Variants in SHISA4 observed in about 807,000 individuals in gnomAD.
SHISA4 encodes protein shisa-4.
Under a neutral mutation model 24.2 loss-of-function variants are expected in SHISA4, and 16 were observed. The observed-to-expected ratio is 0.66, with a 90% CI of 0.45 to 1.00. SHISA4 has a LOEUF of 1.00. SHISA4 is among the 50% of genes least tolerant of loss of function. The pLI, the probability that SHISA4 is intolerant of heterozygous loss-of-function variation, is 0.00. For missense variants in SHISA4, 238 were observed against 258.9 expected (o/e 0.92, Z 0.55); for synonymous variants, 106 against 105.4 (o/e 1.01, Z -0.04).
In SHISA4 at chr1:201,888,968, C is replaced by T; in HGVS notation, c.-27C>T. On this transcript the variant is annotated 5_prime_UTR_variant, in exon 1 of 5. Coordinates refer to ENST00000362011, the MANE Select transcript of SHISA4 (RefSeq NM_198149.3). ...CCTGCGGTCCCTTCTCTGGGAGGCC[C>T]GACCCCGGCCGCGCCCAGCCCCCAC... 11 of 1,374,080 alleles carry T rather than the reference C, an allele frequency of 8.0e-6. No homozygotes were observed. The highest frequency in any genetic ancestry group is 1.8e-5 in the South Asian group (1 of 56,236). 85.1% of individuals were successfully genotyped at this position (1,374,080 alleles called of 1,614,324 possible).
At chr1:201,889,699 C>T in intron 2 of SHISA4, 83 bp downstream of exon 2, 7 of 1,511,042 alleles carry the variant, frequency 4.6e-6, no homozygotes, top group Non-Finnish European at 6.4e-6. Flanking sequence ...GGACTCCTGC[C>T]TCCTCCGTTG....
intron 4 of SHISA4, 96 bp downstream of exon 4, chr1:201,891,664 C>CA (rs1681102733): frequency 2.9e-5 from 45 of 1,535,732 alleles, no homozygotes; most frequent in Non-Finnish European, 3.5e-5. Flanking sequence ...TTCCCTCTCC[C>CA]AGACTTCCTC....
In SHISA4 at chr1:201,888,939, T is replaced by G. The variant is rs1681037406; in HGVS notation, c.-56T>G. The G allele has an allele frequency of 8.2e-7, 1 of 1,226,346 alleles. No individual in the cohort carries two copies. The highest frequency in any genetic ancestry group is 1.1e-6 in the Non-Finnish European group (1 of 949,312). The allele number at this position is 1,226,346 out of a possible 1,614,324, so 76.0% of individuals were successfully genotyped here. On this transcript the variant is annotated 5_prime_UTR_variant, in exon 1 of 5. Transcript: ENST00000362011. ...CCGCCGCAGCTCCAGCTGGCCGGCT[T>G]GGTCCTGCGGTCCCTTCTCTGGGAG...
intron 3 of SHISA4, among the ~76,000 whole-genome samples, chr1:201,891,011 G>C (rs73090436): frequency 0.01 from 1,540 of 152,280 alleles, 26 homozygotes; most frequent in African/African-American, 0.035. Flanking sequence ...TGATGGACAT[G>C]GGGACAGTGA....
At chr1:201,890,623 G>A in intron 3 of SHISA4, 36 bp downstream of exon 3, 1 of 1,610,936 alleles carries the variant, frequency 6.2e-7, no homozygotes, top group Non-Finnish European at 8.5e-7. Flanking sequence ...GCCTCAGATG[G>A]GCTGGGCTAA....
At position 201,892,577 on chromosome 1, in the gene SHISA4, T is replaced by C. The variant is rs1011593426; in HGVS notation, c.*731T>C. 3.9e-5 allele frequency among the ~76,000 whole-genome samples: 6 copies of C among 152,168 alleles called. No individual in the cohort carries two copies. The highest frequency in any genetic ancestry group is 5.9e-5 in the Non-Finnish European group (4 of 68,034). ...ATATTCCCTGCTAGGGATCAACAGC[T>C]CTACAACAGCTGAGGCACTGCTAAC... On this transcript the variant is annotated 3_prime_UTR_variant, in exon 5 of 5. Transcript: ENST00000362011.
Position 201,891,822 on chromosome 1 carries a change from A to G in SHISA4, c.570A>G (p.Pro190=). 6.2e-7 allele frequency: 1 copy of G among 1,613,856 alleles called. No individual in the cohort carries two copies. Among genetic ancestry groups the G allele is most frequent in the East Asian group, 2.2e-5 (1 of 44,858 alleles). ...NPAAPPPYMP[P]QPSYPGA ...CAGCTCCTCCTCCCTATATGCCACCACAGCCCTCTTACCCGGGAGCCTGAG... is the reference window on the plus strand; with the variant it reads ...CAGCTCCTCCTCCCTATATGCCACCGCAGCCCTCTTACCCGGGAGCCTGAG... Residue 190 remains proline (P), a synonymous_variant, in exon 5 of 5, where the codon CCA becomes CCG. Transcript: ENST00000362011.
intron 2 of SHISA4, 26 bp from the exon 3 acceptor site, chr1:201,890,428 T>C (rs1299689126): frequency 3.1e-6 from 5 of 1,612,780 alleles, no homozygotes; most frequent in Admixed American, 3.3e-5. Context: ...TGTTGGAAGG[T>C]GAGAGGACCT....
chr1:201,891,114 G>C (rs761139452), intron 3 of SHISA4, among the ~76,000 whole-genome samples: 2 of 152,158 alleles, frequency 1.3e-5, no homozygotes, highest in African/African-American at 2.4e-5. Flanking sequence ...GCCCTGAGCT[G>C]TCCCCTTCTT....
intron 1 of SHISA4, 80 bp downstream of exon 1, chr1:201,889,147 C>A: frequency 2.3e-6 from 3 of 1,300,596 alleles, no homozygotes; most frequent in Non-Finnish European, 3.1e-6. Flanking sequence ...GGCTTGGGCT[C>A]GGGGCTTCTC....
chr1:201,892,063 T>C lies in SHISA4; in HGVS notation c.*217T>C. ...GGGTTGGGGGGAGGGCTTGGAATTATGGGCTATTTTTACTGGGGGCAAGGG... is the reference window on the plus strand; with the variant it reads ...GGGTTGGGGGGAGGGCTTGGAATTACGGGCTATTTTTACTGGGGGCAAGGG... On this transcript the variant is annotated 3_prime_UTR_variant, in exon 5 of 5. Transcript: ENST00000362011. The C allele has an allele frequency of 3.4e-6, 2 of 580,452 alleles. No homozygotes were observed. Among genetic ancestry groups the C allele is most frequent in the Non-Finnish European group, 6.1e-6 (2 of 326,498 alleles). 36.0% of individuals were successfully genotyped at this position (580,452 alleles called of 1,614,324 possible). A position where few individuals can be genotyped will look rare whatever the true frequency, so the allele number is the denominator to read the frequency against.
Position 201,892,069 on chromosome 1 carries a change from A to G in SHISA4, c.*223A>G, listed in dbSNP as rs545448029. The G allele has an allele frequency of 3.9e-5, 22 of 566,700 alleles. No homozygotes were observed. The highest frequency in any genetic ancestry group is 3.6e-4 in the African/African-American group (19 of 52,720). 35.1% of individuals were successfully genotyped at this position (566,700 alleles called of 1,614,324 possible). On this transcript the variant is annotated 3_prime_UTR_variant, in exon 5 of 5. Transcript: ENST00000362011. ...GGGGGAGGGCTTGGAATTATGGGCT[A>G]TTTTTACTGGGGGCAAGGGAGGGAG...
intron 3 of SHISA4, 42 bp from the exon 4 acceptor site, chr1:201,891,359 A>G (rs1330411891): frequency 6.2e-7 from 1 of 1,611,940 alleles, no homozygotes; most frequent in Admixed American, 1.7e-5. Flanking sequence ...GGCTTCCCAT[A>G]GGAGATGGGT....
In SHISA4 at chr1:201,889,440, C is replaced by T. The variant is rs1319121319; in HGVS notation, c.74-5C>T. The T allele has an allele frequency of 1.2e-6, 2 of 1,611,872 alleles. No individual in the cohort carries two copies. Among genetic ancestry groups the T allele is most frequent in the Non-Finnish European group, 1.7e-6 (2 of 1,179,934 alleles). Reference sequence around the variant, plus strand: ...CCACTGGGCACCCCCAATCCCTGCCCGCAGTGCTGGCCGGCGAGGACTGCC... The same window carrying T: ...CCACTGGGCACCCCCAATCCCTGCCTGCAGTGCTGGCCGGCGAGGACTGCC... On this transcript the variant is annotated splice_polypyrimidine_tract_variant and splice_region_variant and intron_variant, in intron 1 of 4. Transcript: ENST00000362011.
chr1:201,889,986 A>G (rs936228734), intron 2 of SHISA4, among the ~76,000 whole-genome samples: 5 of 152,152 alleles, frequency 3.3e-5, no homozygotes, highest in Admixed American at 6.6e-5. Context: ...TTTGATTCCC[A>G]GGTCCACTTC....
At chr1:201,889,732 A>G in intron 2 of SHISA4, 116 bp downstream of exon 2, 2 of 1,250,918 alleles carry the variant, frequency 1.6e-6, no homozygotes, top group South Asian at 2.7e-5. Flanking sequence ...TTCTTAGCTG[A>G]ATAGAGTCAC....
Position 201,889,471 on chromosome 1 carries a change from T to C in SHISA4, c.100T>C (p.Tyr34His). 6.2e-7 allele frequency: 1 copy of C among 1,613,714 alleles called. No homozygotes were observed. Among genetic ancestry groups the C allele is most frequent in the Non-Finnish European group, 8.5e-7 (1 of 1,180,016 alleles). Residue 34 changes from tyrosine to histidine, a missense_variant, in exon 2 of 5, where the codon TAC becomes CAC. Physicochemically the swap from Tyr to His is moderately conservative, Grantham distance 83 (BLOSUM62 2). Transcript: ENST00000362011. Reference sequence around the variant, plus strand: ...GCTGGCCGGCGAGGACTGCCTGTGGTACCTGGACCGGAATGGCTCCTGGCA... The same window carrying C: ...GCTGGCCGGCGAGGACTGCCTGTGGCACCTGGACCGGAATGGCTCCTGGCA... ...LVLAGEDCLWYLDRNGSWHPG... is the reference protein window; with the variant it reads ...LVLAGEDCLWHLDRNGSWHPG...
chr1:201,891,758 C>G (rs1681104379), intron 4 of SHISA4, 42 bp from the exon 5 acceptor site: 3 of 1,611,902 alleles, frequency 1.9e-6, no homozygotes, highest in Admixed American at 1.7e-5. Context: ...TTTCGTCCAC[C>G]TATGCCACCA....
Position 201,891,853 on chromosome 1 carries a change from A to C in SHISA4, c.*7A>C, listed in dbSNP as rs2102903326. On this transcript the variant is annotated 3_prime_UTR_variant, in exon 5 of 5. Coordinates refer to ENST00000362011, the MANE Select transcript of SHISA4 (RefSeq NM_198149.3). ...CTCTTACCCGGGAGCCTGAGGAACC[A>C]GCCATGTCTCTGCTGCCCCTTCAGT... 14 of 1,613,966 alleles carry C rather than the reference A, an allele frequency of 8.7e-6. No individual in the cohort carries two copies. The highest frequency in any genetic ancestry group is 1.2e-5 in the Non-Finnish European group (14 of 1,179,908).
Sources: gnomAD v4.1 joint callset for allele counts (sites outside exome capture counted in the v4.1 genomes callset) on GRCh38, gnomAD v4.1.1 for gene constraint, MANE v1.5 for transcripts, NCBI Gene and HGNC (gene_info 2026-07-23, HGNC 2026-07-21) for gene names.